Variants in CDK17 observed in about 807,000 individuals in gnomAD.
The protein encoded by CDK17 is cyclin-dependent kinase 17.
CDK17 carries 24 observed loss-of-function variants against 77.6 expected under a neutral mutation model. The observed-to-expected ratio is 0.31, with a 90% CI of 0.22 to 0.44. The LOEUF (loss-of-function observed/expected upper bound fraction) is 0.44, where lower values mean the gene tolerates loss of function less well. Among genes scored for constraint, CDK17 ranks in the 20% least tolerant of loss-of-function variants. The probability of loss-of-function intolerance (pLI) is 1.00; values close to 1 mark genes in which losing one functional copy is unlikely to be tolerated. For synonymous variants in CDK17, 203 were observed against 210.4 expected, an observed-to-expected ratio of 0.96 and a Z score of 0.30; for missense variants, 429 against 622.5, an observed-to-expected ratio of 0.69 and a Z score of 3.31.
At chr12:96,383,404 G>GAA (rs57708359) in intron 1 of CDK17, among the ~76,000 whole-genome samples, 35,915 of 136,968 alleles carry the variant, frequency 0.26, 4,885 homozygotes, top group South Asian at 0.41. Context: ...AAAATTAGAA[G>GAA]AAAAAAAAAA....
At chr12:96,281,916 C>T (rs990267391) in intron 15 of CDK17, 2 of 152,124 alleles carry the variant, frequency 1.3e-5, no homozygotes, top group South Asian at 4.1e-4. Flanking sequence ...TTCTAATTCC[C>T]CACTCACCTT....
chr12:96,363,585 T>A (rs1010377453), intron 1 of CDK17, among the ~76,000 whole-genome samples: 5 of 152,088 alleles, frequency 3.3e-5, no homozygotes, highest in African/African-American at 1.2e-4. Flanking sequence ...TGGTGGCTCA[T>A]GCCTGTAATC....
chr12:96,359,472 A>G (rs1326005970), intron 1 of CDK17, among the ~76,000 whole-genome samples: 1 of 152,236 alleles, frequency 6.6e-6, no homozygotes, highest in Non-Finnish European at 1.5e-5. Flanking sequence ...GAGGATAAAC[A>G]GTGGCAAAGT....
At chr12:96,378,269 C>T (rs1282829117) in intron 1 of CDK17, among the ~76,000 whole-genome samples, 1 of 152,186 alleles carries the variant, frequency 6.6e-6, no homozygotes, top group African/African-American at 2.4e-5. Flanking sequence ...AGCATGAACT[C>T]ATGGATATTA....
At chr12:96,375,567 T>C (rs1953765813) in intron 1 of CDK17, among the ~76,000 whole-genome samples, 1 of 142,462 alleles carries the variant, frequency 7.0e-6, no homozygotes, top group East Asian at 2.1e-4. Context: ...TAGGCTGGAG[T>C]ACAATGGCGC....
In CDK17 at chr12:96,295,101, G is replaced by A; in HGVS notation, c.895C>T (p.Arg299Cys). The change falls in exon 10 of 17, where the codon CGT becomes TGT. Residue 299 changes from arginine to cysteine, a missense_variant. Arg to Cys is a radical substitution (Grantham distance 180, BLOSUM62 -3). Around this residue, in one of 4 missense-constraint regions of CDK17, gnomAD observed 262 missense variants for 385.4 expected, o/e 0.68. Transcript: ENST00000261211. ...CTTCTATGGCAATATGCCAAACCAC[G>A]TAGAATTTGGTACAGAAACAGCTAC... ...NVKLFLYQIL[R>C]GLAYCHRRKV... 4 of 1,606,702 alleles carry A rather than the reference G, an allele frequency of 2.5e-6. No homozygotes were observed. The highest frequency in any genetic ancestry group is 3.4e-6 in the Non-Finnish European group (4 of 1,176,912).
intron 1 of CDK17, among the ~76,000 whole-genome samples, chr12:96,377,780 C>T (rs1030160166): frequency 6.6e-6 from 1 of 150,988 alleles, no homozygotes; most frequent in African/African-American, 2.4e-5. Flanking sequence ...TGCAAGCTCC[C>T]CCTCCCGGGT....
chr12:96,285,768 A>T (rs1952237686), intron 13 of CDK17: 1 of 197,762 alleles, frequency 5.1e-6, no homozygotes, highest in African/African-American at 2.3e-5. Context: ...TTGTTAAGTA[A>T]ATACAGAATA....
At chr12:96,314,804 C>T (rs1311695313) in intron 3 of CDK17, among the ~76,000 whole-genome samples, 1 of 152,230 alleles carries the variant, frequency 6.6e-6, no homozygotes, top group East Asian at 1.9e-4. Context: ...CTTTTTTTCT[C>T]GTTTTTAAAA....
intron 2 of CDK17, among the ~76,000 whole-genome samples, chr12:96,325,066 A>G (rs1396750270): frequency 6.6e-6 from 1 of 152,228 alleles, no homozygotes; most frequent in East Asian, 1.9e-4. Context: ...TGTAATGTTT[A>G]TCAGGAATCT....
chr12:96,363,019 G>T (rs1953520315), intron 1 of CDK17, among the ~76,000 whole-genome samples: 1 of 152,002 alleles, frequency 6.6e-6, no homozygotes, highest in South Asian at 2.1e-4. Flanking sequence ...TGAGCTCTTT[G>T]ACCTTAAAAA....
At chr12:96,377,008 T>G (rs1953790789) in intron 1 of CDK17, among the ~76,000 whole-genome samples, 1 of 152,168 alleles carries the variant, frequency 6.6e-6, no homozygotes, top group South Asian at 2.1e-4. Context: ...AAGTTGAGAC[T>G]TCTTACTGAG....
At chr12:96,385,482 C>A (rs1953957496) in intron 1 of CDK17, among the ~76,000 whole-genome samples, 1 of 152,034 alleles carries the variant, frequency 6.6e-6, no homozygotes, top group Admixed American at 6.6e-5. Context: ...ATGTAACGAA[C>A]CTGCACTTGT....
chr12:96,377,985 G>A lies in CDK17; in HGVS notation c.-30+22001C>T, dbSNP rs907657183. On this transcript the variant is annotated intron_variant, in intron 1 of 16. Transcript: ENST00000261211. Reference sequence around the variant, plus strand: ...TGGGATTACAGGCGTGAGCCACTGCGCCCGGCCCAGAAGCAGTTTTTTAAA... The same window carrying A: ...TGGGATTACAGGCGTGAGCCACTGCACCCGGCCCAGAAGCAGTTTTTTAAA... 3.9e-5 allele frequency among the ~76,000 whole-genome samples: 6 copies of A among 152,230 alleles called. No individual in the cohort carries two copies. The East Asian group carries it at 7.7e-4, about 20-fold the overall frequency.
At chr12:96,342,815 T>C (rs577960174) in intron 1 of CDK17, among the ~76,000 whole-genome samples, 2 of 150,912 alleles carry the variant, frequency 1.3e-5, no homozygotes, top group African/African-American at 2.4e-5. Flanking sequence ...AATATAAAAT[T>C]AGCTGGGTGT....
At chr12:96,329,159 T>C (rs1367270915) in intron 2 of CDK17, among the ~76,000 whole-genome samples, 1 of 152,124 alleles carries the variant, frequency 6.6e-6, no homozygotes, top group Non-Finnish European at 1.5e-5. Flanking sequence ...GTGGAGGTAT[T>C]GTTTAATGGG....
chr12:96,315,999 G>T (rs1565816359), intron 3 of CDK17, among the ~76,000 whole-genome samples: 1 of 151,944 alleles, frequency 6.6e-6, no homozygotes, highest in Non-Finnish European at 1.5e-5. Flanking sequence ...CTCCCAGCGT[G>T]AGCGACGCAG....
At chr12:96,297,560 C>A (rs1250457817) in intron 8 of CDK17, 67 bp downstream of exon 8, 2 of 1,105,288 alleles carry the variant, frequency 1.8e-6, no homozygotes, top group Admixed American at 4.4e-5. Context: ...AAAAAACAAA[C>A]TAAAAGTCCA....
chr12:96,304,796 T>C (rs898055491), intron 5 of CDK17, among the ~76,000 whole-genome samples: 10 of 152,280 alleles, frequency 6.6e-5, no homozygotes, highest in Admixed American at 3.9e-4. Flanking sequence ...CTGTGGGACT[T>C]TGAACCTCAC....
Sources: allele counts gnomAD v4.1 joint callset (sites outside exome capture counted in the v4.1 genomes callset), GRCh38; gene constraint gnomAD v4.1.1; regional missense constraint gnomAD v4.1.1; transcripts MANE v1.5; gene names NCBI Gene and HGNC (gene_info 2026-07-23, HGNC 2026-07-21).